The following SACS variants were observed in gnomAD, a reference collection of about 807,000 sequenced individuals.
The protein encoded by SACS is sacsin molecular chaperone.
A neutral mutation model predicts 348.0 loss-of-function variants in SACS; 197 were observed. That is an observed-to-expected ratio of 0.57 (90% CI 0.50 to 0.64). The LOEUF (loss-of-function observed/expected upper bound fraction) is 0.64, where lower values mean the gene tolerates loss of function less well. SACS is among the 30% of genes least tolerant of loss of function. The probability of loss-of-function intolerance (pLI) is 0.00; values close to 1 mark genes in which losing one functional copy is unlikely to be tolerated. For missense variants in SACS, 4,999 were observed against 5,360.8 expected (o/e 0.93, Z 2.11); for synonymous variants, 1,985 against 1,910.6 (o/e 1.04, Z -1.02).
chr13:23,397,504 T>C (rs552594013), intron 2 of SACS, among the ~76,000 whole-genome samples: 7 of 152,238 alleles, frequency 4.6e-5, no homozygotes, highest in Non-Finnish European at 8.8e-5. Flanking sequence ...TCTTGGATTA[T>C]TGATCTGCTC....
chr13:23,425,798 G>C (rs957787988), intron 1 of SACS, among the ~76,000 whole-genome samples: 31 of 152,340 alleles, frequency 2.0e-4, no homozygotes, highest in Non-Finnish European at 3.7e-4. Context: ...CTGACTCCCT[G>C]CGGGAGTGGG....
chr13:23,363,051 G>A (rs1022608374), intron 6 of SACS, among the ~76,000 whole-genome samples: 1 of 150,574 alleles, frequency 6.6e-6, no homozygotes, highest in Admixed American at 6.6e-5. Context: ...TGGGATTACA[G>A]GTGCTCACCA....
chr13:23,408,724 G>A (rs34411115), intron 2 of SACS, among the ~76,000 whole-genome samples: 11,819 of 152,032 alleles, frequency 0.078, 582 homozygotes, highest in South Asian at 0.13. Flanking sequence ...CCAGCACTTC[G>A]GGAGGCCGAG....
chr13:23,429,844 G>A (rs1027586192), intron 1 of SACS, among the ~76,000 whole-genome samples: 1 of 152,128 alleles, frequency 6.6e-6, no homozygotes, highest in South Asian at 2.1e-4. Flanking sequence ...GGACTCTCAG[G>A]AATATGACAG....
At position 23,340,628 on chromosome 13, in the gene SACS, A is replaced by C; in HGVS notation, c.3248T>G (p.Ile1083Ser). 4 of 1,608,940 alleles carry C rather than the reference A, an allele frequency of 2.5e-6. No homozygotes were observed. The highest frequency in any genetic ancestry group is 3.4e-6 in the Non-Finnish European group (4 of 1,178,804). Residue 1083 changes from isoleucine (I) to serine (S), a missense_variant, in exon 10 of 10, where the codon ATT becomes AGT. Around this residue, in one of 6 missense-constraint regions of SACS, gnomAD observed 3,156 missense variants for 3,380.1 expected, o/e 0.93. Transcript: ENST00000382292. ...ACCAATCTGTCTTAAGGAGTGAAGA[A>C]TATCTGGTGAGGTAAAAACTGAGGG... Reference protein sequence around the residue: ...FPPSVFTSPDILHSLRQIGLK... With the variant: ...FPPSVFTSPDSLHSLRQIGLK...
At chr13:23,414,381 T>C (rs1337763967) in intron 1 of SACS, among the ~76,000 whole-genome samples, 2 of 151,980 alleles carry the variant, frequency 1.3e-5, no homozygotes, top group Non-Finnish European at 2.9e-5. Flanking sequence ...AGATCAGAAC[T>C]CAAGGGAAAT....
intron 2 of SACS, among the ~76,000 whole-genome samples, chr13:23,393,654 C>T (rs2137904338): frequency 6.6e-6 from 1 of 152,342 alleles, no homozygotes; most frequent in South Asian, 2.1e-4. Flanking sequence ...ACTCCTGGCA[C>T]ACAGCACTTA....
intron 5 of SACS, 91 bp from the exon 6 acceptor site, chr13:23,365,368 T>C: frequency 1.3e-6 from 1 of 759,930 alleles, no homozygotes; most frequent in Non-Finnish European, 2.1e-6. Flanking sequence ...AAGAAGTTAA[T>C]ATACTTAAAT....
In SACS at chr13:23,333,497, T is replaced by C; in HGVS notation, c.10379A>G (p.Lys3460Arg). ...SAFLEEKIHL[K>R]ELYEVIGCVP... ...ACAACCAATCACCTCATATAGTTCT[T>C]TTAAGTGTATTTTTTCTTCAAGAAA... The change falls in exon 10 of 10, where the codon AAA becomes AGA. Residue 3460 changes from lysine to arginine, a missense_variant. By Grantham distance (26) the Lys-to-Arg change is conservative (BLOSUM62 2). Coordinates refer to ENST00000382292, the MANE Select transcript of SACS (RefSeq NM_014363.6). 6.2e-7 allele frequency: 1 copy of C among 1,613,342 alleles called. No individual in the cohort carries two copies. Among genetic ancestry groups the C allele is most frequent in the Middle Eastern group, 1.7e-4 (1 of 6,054 alleles).
chr13:23,337,866 C>A lies in SACS; in HGVS notation c.6010G>T (p.Val2004Phe), dbSNP rs1381736990. The part of the protein sequence containing the change: ...LDDSILKRRD[V>F]GSAAFKIFLK... The stretch of plus-strand genomic sequence containing the variant: ...AATATCTTGAAGGCTGCTGAACCAA[C>A]ATCTCTTCTTTTAAGTATAGAGTCA... Residue 2004 changes from valine (V) to phenylalanine (F), a missense_variant, in exon 10 of 10, where the codon GTT becomes TTT. By Grantham distance (50) the Val-to-Phe change is conservative. This residue lies in a region of SACS where 3,156 missense variants were observed against 3,380.1 expected (regional missense o/e 0.93). Transcript: ENST00000382292. 1 of 1,613,910 alleles carries A rather than the reference C, an allele frequency of 6.2e-7. No individual in the cohort carries two copies. The highest frequency in any genetic ancestry group is 1.1e-5 in the South Asian group (1 of 91,072).
intron 1 of SACS, among the ~76,000 whole-genome samples, chr13:23,425,415 G>C (rs1593185429): frequency 6.6e-6 from 1 of 152,118 alleles, no homozygotes; most frequent in African/African-American, 2.4e-5. Flanking sequence ...TTTATGCAGG[G>C]ACTGGAGTCC....
In SACS at chr13:23,355,359, G is replaced by A; in HGVS notation, c.1253C>T (p.Pro418Leu). 1 of 1,614,042 alleles carries A rather than the reference G, an allele frequency of 6.2e-7. No homozygotes were observed. The highest frequency in any genetic ancestry group is 8.5e-7 in the Non-Finnish European group (1 of 1,180,022). The change falls in exon 8 of 10, where the codon CCA becomes CTA. Residue 418 changes from proline (P) to leucine (L), a missense_variant. By Grantham distance (98) the Pro-to-Leu change is moderately conservative. Transcript: ENST00000382292. The part of the protein sequence containing the change: ...DSLADELKFV[P>L]IIGIAMPLSS... Reference sequence around the variant, plus strand: ...TAAAGGCATGGCTATTCCAATGATTGGGACAAATTTCAGTTCATCAGCTAA... The same window carrying A: ...TAAAGGCATGGCTATTCCAATGATTAGGACAAATTTCAGTTCATCAGCTAA...
At chr13:23,362,478 GA>G in intron 6 of SACS, among the ~76,000 whole-genome samples, 1 of 151,714 alleles carries the variant, frequency 6.6e-6, no homozygotes, top group East Asian at 1.9e-4. Context: ...GAATGCAAGA[GA>G]AAGATATTCT....
At chr13:23,422,724 T>A (rs1039883792) in intron 1 of SACS, among the ~76,000 whole-genome samples, 4 of 151,896 alleles carry the variant, frequency 2.6e-5, no homozygotes, top group Non-Finnish European at 5.9e-5. Flanking sequence ...AGTGGCACGA[T>A]CTCGGCTCAC....
intron 6 of SACS, among the ~76,000 whole-genome samples, chr13:23,360,379 C>T (rs1185273419): frequency 7.1e-6 from 1 of 141,124 alleles, no homozygotes; most frequent in African/African-American, 2.6e-5. Context: ...TTAAAAGTAT[C>T]TACAAAGACA....
chr13:23,395,419 C>A (rs1305975680), intron 2 of SACS, among the ~76,000 whole-genome samples: 2 of 152,000 alleles, frequency 1.3e-5, no homozygotes, highest in South Asian at 4.1e-4. Flanking sequence ...ACCTTTAAGA[C>A]CTCCCCCTTC....
Position 23,334,974 on chromosome 13 carries a change from G to A in SACS, c.8902C>T (p.Leu2968Phe), listed in dbSNP as rs768978881. The A allele has an allele frequency of 6.2e-7, 1 of 1,613,914 alleles. No individual in the cohort carries two copies. ...CAATATAAATCTGGCTGTAGATCAA[G>A]ACGGTTAACTGGGAAAAACGATAAA... ...KFLSFFPVNR[L>F]DLQPDLYCLV... Residue 2968 changes from leucine to phenylalanine, a missense_variant, in exon 10 of 10, where the codon CTT (leucine) becomes TTT (phenylalanine). Transcript: ENST00000382292.
At position 23,337,910 on chromosome 13, in the gene SACS, T is replaced by C; in HGVS notation, c.5966A>G (p.Lys1989Arg). The C allele has an allele frequency of 1.2e-6, 2 of 1,613,970 alleles. No individual in the cohort carries two copies. The highest frequency in any genetic ancestry group is 1.7e-6 in the Non-Finnish European group (2 of 1,179,938). ...FSDGSTWVSM[K>R]NVRFLDDSIL... ...AGAGTCATCTAGAAATCTTACGTTC[T>C]TCATGGAAACCCAAGTAGATCCATC... Residue 1989 changes from lysine (K) to arginine (R), a missense_variant, in exon 10 of 10, where the codon AAG becomes AGG. Lys to Arg is a conservative substitution (Grantham distance 26). This residue lies in a region of SACS where 3,156 missense variants were observed against 3,380.1 expected (regional missense o/e 0.93). Coordinates refer to ENST00000382292, the MANE Select transcript of SACS (RefSeq NM_014363.6).
intron 2 of SACS, among the ~76,000 whole-genome samples, chr13:23,407,989 G>A (rs1873307763): frequency 6.6e-6 from 1 of 152,134 alleles, no homozygotes; most frequent in Admixed American, 6.5e-5. Context: ...CATTGGCTGT[G>A]AATCCTCAGC....
Sources: gnomAD v4.1 joint callset for allele counts (sites outside exome capture counted in the v4.1 genomes callset) on GRCh38, gnomAD v4.1.1 for gene constraint, gnomAD v4.1.1 regional missense constraint, MANE v1.5 for transcripts, NCBI Gene and HGNC (gene_info 2026-07-23, HGNC 2026-07-21) for gene names.